The following ANO10 variants were observed in gnomAD, a reference collection of about 807,000 sequenced individuals.
ANO10 encodes anoctamin-10.
ANO10 carries 77 observed loss-of-function variants against 74.7 expected under a neutral mutation model. The observed-to-expected ratio is 1.03, with a 90% CI of 0.86 to 1.25. ANO10 has a LOEUF of 1.25. Among genes scored for constraint, ANO10 ranks in the 50% most tolerant of loss-of-function variants. ANO10 has a pLI of 0.00. For synonymous variants in ANO10, 279 were observed against 284.9 expected (o/e 0.98, Z 0.21); for missense variants, 721 against 778.1 (o/e 0.93, Z 0.87).
chr3:43,479,696 T>C (rs780127906), intron 11 of ANO10, among the ~76,000 whole-genome samples: 2 of 152,198 alleles, frequency 1.3e-5, no homozygotes, highest in Non-Finnish European at 2.9e-5. Context: ...ATTAAACAGA[T>C]GAACTTACGT....
At chr3:43,512,968 TTC>T (rs1319743209) in intron 11 of ANO10, among the ~76,000 whole-genome samples, 3 of 152,232 alleles carry the variant, frequency 2.0e-5, no homozygotes, top group Admixed American at 6.5e-5. Flanking sequence ...ACAGCAGACT[TTC>T]TGAGTCATGA....
chr3:43,428,796 C>CAAAAA (rs56213626), intron 12 of ANO10, among the ~76,000 whole-genome samples: 2,949 of 55,266 alleles, frequency 0.053, 668 homozygotes, highest in African/African-American at 0.077. Flanking sequence ...TTTGTGAATG[C>CAAAAA]AAAAAAAAAA....
At chr3:43,405,731 C>T (rs2092564452) in intron 12 of ANO10, among the ~76,000 whole-genome samples, 1 of 152,162 alleles carries the variant, frequency 6.6e-6, no homozygotes, top group Non-Finnish European at 1.5e-5. Flanking sequence ...ACCTCAGTCT[C>T]CCAAAGTGCT....
intron 12 of ANO10, among the ~76,000 whole-genome samples, chr3:43,390,487 T>C (rs2092247070): frequency 6.6e-6 from 1 of 152,222 alleles, no homozygotes; most frequent in African/African-American, 2.4e-5. Context: ...TGCATTCCTA[T>C]CACTCTTTGA....
intron 1 of ANO10, 67 bp from the exon 2 acceptor site, chr3:43,605,930 C>T (rs2082543452): frequency 6.5e-7 from 1 of 1,541,814 alleles, no homozygotes; most frequent in Admixed American, 1.7e-5. Context: ...ATGCTATAGA[C>T]TTCATTTTCT....
At chr3:43,686,863 A>T (rs1400870560) in intron 1 of ANO10, among the ~76,000 whole-genome samples, 1 of 152,122 alleles carries the variant, frequency 6.6e-6, no homozygotes, top group Non-Finnish European at 1.5e-5. Flanking sequence ...TGGCAGTAGG[A>T]ACACAGGCAT....
intron 11 of ANO10, among the ~76,000 whole-genome samples, chr3:43,483,923 G>A: frequency 6.6e-6 from 1 of 152,174 alleles, no homozygotes; most frequent in Non-Finnish European, 1.5e-5. Flanking sequence ...AAGGAGGGCT[G>A]TGGACACCAA....
chr3:43,646,736 C>T (rs931922830), intron 1 of ANO10, among the ~76,000 whole-genome samples: 1 of 152,142 alleles, frequency 6.6e-6, no homozygotes, highest in African/African-American at 2.4e-5. Context: ...TCTTGAACTC[C>T]TGACCTCAGG....
intron 1 of ANO10, among the ~76,000 whole-genome samples, chr3:43,646,649 G>A (rs571222094): frequency 6.6e-6 from 1 of 152,148 alleles, no homozygotes; most frequent in East Asian, 1.9e-4. Context: ...GGGATTACAC[G>A]TGCCTGCCAC....
intron 12 of ANO10, among the ~76,000 whole-genome samples, chr3:43,425,462 C>A (rs2092885770): frequency 6.6e-6 from 1 of 151,808 alleles, no homozygotes; most frequent in African/African-American, 2.4e-5. Context: ...TAAATATAAA[C>A]CAAAAATAAA....
Position 43,636,022 on chromosome 3 carries a change from CA to C in ANO10, c.-11-30160del, listed in dbSNP as rs201394976. Reference sequence around the variant, plus strand: ...ATCCTTAACAAACAAGTAAAAAAAACAAAAAAAAACAAAAAAAACCCAAAAA... The same window carrying C: ...ATCCTTAACAAACAAGTAAAAAAAACAAAAAAAACAAAAAAAACCCAAAAA... On this transcript the variant is annotated intron_variant, in intron 1 of 3. Coordinates refer to the ANO10 transcript ENST00000413397. Among the ~76,000 whole-genome samples, 5 of 147,510 alleles carry C rather than the reference CA, an allele frequency of 3.4e-5. 1 individual carries two copies. Among genetic ancestry groups the C allele is most frequent in the Admixed American group, 2.7e-4 (4 of 14,828 alleles).
chr3:43,656,323 T>G (rs1412857534), intron 1 of ANO10, among the ~76,000 whole-genome samples: 1 of 152,184 alleles, frequency 6.6e-6, no homozygotes, highest in Non-Finnish European at 1.5e-5. Context: ...ACATAAAGGT[T>G]CTCCACGTCC....
At chr3:43,668,336 G>C (rs558692629) in intron 1 of ANO10, among the ~76,000 whole-genome samples, 1 of 151,478 alleles carries the variant, frequency 6.6e-6, no homozygotes, top group African/African-American at 2.4e-5. Flanking sequence ...TTAGTTCTTC[G>C]TTAGATGCAA....
intron 4 of ANO10, among the ~76,000 whole-genome samples, chr3:43,589,033 A>G (rs1282721834): frequency 3.3e-5 from 5 of 152,194 alleles, no homozygotes; most frequent in Non-Finnish European, 7.3e-5. Flanking sequence ...CAAATACTAC[A>G]AAAAAGAAAT....
chr3:43,386,676 T>C (rs549404280), intron 12 of ANO10, among the ~76,000 whole-genome samples: 1 of 151,504 alleles, frequency 6.6e-6, no homozygotes, highest in Non-Finnish European at 1.5e-5. Context: ...TGTGTGTGTG[T>C]GTGTGTGTGT....
chr3:43,456,109 A>G (rs1384308775), intron 11 of ANO10, among the ~76,000 whole-genome samples: 3 of 152,158 alleles, frequency 2.0e-5, no homozygotes, highest in Non-Finnish European at 4.4e-5. Flanking sequence ...GCTGGCTCCC[A>G]CCCTGGGAAC....
chr3:43,681,406 C>G (rs1203758873), intron 1 of ANO10, among the ~76,000 whole-genome samples: 1 of 152,142 alleles, frequency 6.6e-6, no homozygotes, highest in African/African-American at 2.4e-5. Context: ...GCACCCAATA[C>G]AGGAGCACCC....
At chr3:43,597,840 C>T (rs1322310260) in intron 4 of ANO10, among the ~76,000 whole-genome samples, 1 of 151,938 alleles carries the variant, frequency 6.6e-6, no homozygotes, top group Non-Finnish European at 1.5e-5. Flanking sequence ...ATTATTTGAG[C>T]CCAGGAGATG....
In ANO10 at chr3:43,558,047, G is replaced by A. The variant is rs139021135; in HGVS notation, c.1477-2578C>T. 3.0e-3 allele frequency among the ~76,000 whole-genome samples: 445 copies of A among 148,940 alleles called. 3 individuals carry two copies. Among genetic ancestry groups the A allele is most frequent in the African/African-American group, 0.01 (423 of 40,422 alleles). On this transcript the variant is annotated intron_variant, in intron 9 of 12. Transcript: ENST00000292246. ...TTGAGCCTGGGAGGTTGAGGTTGCA[G>A]TGAGCCACTATTGCCACCACTGCCC...
Sources: gnomAD v4.1 joint callset for allele counts (sites outside exome capture counted in the v4.1 genomes callset) on GRCh38, gnomAD v4.1.1 for gene constraint, MANE v1.5 for transcripts, NCBI Gene and HGNC (gene_info 2026-07-23, HGNC 2026-07-21) for gene names.